The following DLG2 variants were observed in gnomAD, a reference collection of about 807,000 sequenced individuals.
DLG2 encodes the protein discs large MAGUK scaffold protein 2, also known as disks large homolog 2.
DLG2 carries 45 observed loss-of-function variants against 132.5 expected under a neutral mutation model. The ratio of observed to expected loss-of-function variants is 0.34; its 90% CI spans 0.27 to 0.44. The LOEUF is 0.44. DLG2 is among the 20% of genes least tolerant of loss of function. The pLI, the probability that DLG2 is intolerant of heterozygous loss-of-function variation, is 1.00. For synonymous variants in DLG2, 424 were observed against 419.6 expected (o/e 1.01, Z -0.13); for missense variants, 1,045 against 1,196.9 (o/e 0.87, Z 1.87).
chr11:85,019,358 G>T (rs1386615469), intron 6 of DLG2, among the ~76,000 whole-genome samples: 1 of 152,126 alleles, frequency 6.6e-6, no homozygotes, highest in Non-Finnish European at 1.5e-5. Flanking sequence ...GGAACACTGA[G>T]CATGTGCTGA....
intron 6 of DLG2, among the ~76,000 whole-genome samples, chr11:84,621,569 G>A (rs1036661166): frequency 1.3e-5 from 2 of 152,118 alleles, no homozygotes; most frequent in African/African-American, 2.4e-5. Flanking sequence ...ATTAATTTAG[G>A]CACATAGAGA....
chr11:84,940,232 C>G (rs1429963587), intron 6 of DLG2, among the ~76,000 whole-genome samples: 1 of 152,198 alleles, frequency 6.6e-6, no homozygotes, highest in Non-Finnish European at 1.5e-5. Context: ...CTCACTGCAA[C>G]CCCCGCCTCC....
intron 6 of DLG2, among the ~76,000 whole-genome samples, chr11:84,912,141 C>G (rs1379731177): frequency 7.2e-6 from 1 of 138,042 alleles, no homozygotes; most frequent in Non-Finnish European, 1.6e-5. Context: ...TTGGCTTTCA[C>G]AATTTATTTA....
intron 3 of DLG2, among the ~76,000 whole-genome samples, chr11:85,293,401 CA>C (rs1370090466): frequency 6.6e-6 from 1 of 151,822 alleles, no homozygotes; most frequent in Non-Finnish European, 1.5e-5. Context: ...CTCATCTCTG[CA>C]AAAAATAAAA....
chr11:85,139,815 T>C (rs990456711), intron 5 of DLG2, among the ~76,000 whole-genome samples: 2 of 151,820 alleles, frequency 1.3e-5, no homozygotes, highest in African/African-American at 4.8e-5. Context: ...TGTTTTATTC[T>C]GTGTGTGTAT....
chr11:85,042,617 C>T (rs1161468143), intron 6 of DLG2, among the ~76,000 whole-genome samples: 4 of 151,904 alleles, frequency 2.6e-5, no homozygotes, highest in Non-Finnish European at 4.4e-5. Flanking sequence ...GAATGCTTGA[C>T]ACAAAAAGGT....
At chr11:85,402,413 T>C (rs1193054844) in intron 3 of DLG2, among the ~76,000 whole-genome samples, 2 of 152,128 alleles carry the variant, frequency 1.3e-5, no homozygotes, top group Non-Finnish European at 2.9e-5. Context: ...GGCAATACCA[T>C]TCAGGACATA....
At chr11:84,407,546 C>T (rs2098861770) in intron 7 of DLG2, among the ~76,000 whole-genome samples, 1 of 152,158 alleles carries the variant, frequency 6.6e-6, no homozygotes, top group Non-Finnish European at 1.5e-5. Context: ...GTTACTGTTT[C>T]TTTCTATTTT....
At chr11:85,275,535 C>A (rs989263677) in intron 4 of DLG2, among the ~76,000 whole-genome samples, 1 of 152,086 alleles carries the variant, frequency 6.6e-6, no homozygotes, top group Non-Finnish European at 1.5e-5. Context: ...ATAGTGCACT[C>A]TCTCATCTCA....
chr11:83,480,277 AGC>A, intron 22 of DLG2: 1 of 940,368 alleles, frequency 1.1e-6, no homozygotes, highest in Non-Finnish European at 1.6e-6. Context: ...GATAAAAGGT[AGC>A]AATTGAAAAA....
chr11:83,771,910 C>T (rs1164706860), intron 18 of DLG2, among the ~76,000 whole-genome samples: 1 of 152,118 alleles, frequency 6.6e-6, no homozygotes, highest in Non-Finnish European at 1.5e-5. Flanking sequence ...AATTTTTGCA[C>T]ATATTTCCAA....
At chr11:85,098,588 A>G (rs1170987045) in intron 6 of DLG2, among the ~76,000 whole-genome samples, 3 of 152,210 alleles carry the variant, frequency 2.0e-5, no homozygotes, top group African/African-American at 7.2e-5. Context: ...TTAAAGAAAA[A>G]TGGTATATGA....
At chr11:84,343,537 G>A (rs2098525376) in intron 7 of DLG2, among the ~76,000 whole-genome samples, 1 of 152,258 alleles carries the variant, frequency 6.6e-6, no homozygotes, top group Admixed American at 6.5e-5. Context: ...TTGTCTTCGA[G>A]GAGCTTGAAA....
At chr11:85,427,394 C>A (rs2090843356) in intron 3 of DLG2, among the ~76,000 whole-genome samples, 1 of 152,172 alleles carries the variant, frequency 6.6e-6, no homozygotes, top group South Asian at 2.1e-4. Flanking sequence ...AGGTTACCCA[C>A]AAAGGGAAGG....
intron 6 of DLG2, among the ~76,000 whole-genome samples, chr11:84,860,582 C>G (rs1295238082): frequency 2.0e-5 from 3 of 151,978 alleles, no homozygotes; most frequent in African/African-American, 7.2e-5. Flanking sequence ...ACTGTACTTC[C>G]AAGTTGACTG....
At chr11:85,414,987 T>G (rs971863606) in intron 3 of DLG2, among the ~76,000 whole-genome samples, 1 of 152,094 alleles carries the variant, frequency 6.6e-6, no homozygotes, top group African/African-American at 2.4e-5. Context: ...ATGAGGTATT[T>G]CTCTTAATGC....
intron 7 of DLG2, among the ~76,000 whole-genome samples, chr11:84,486,067 C>T (rs1250041613): frequency 6.6e-6 from 1 of 152,112 alleles, no homozygotes; most frequent in Non-Finnish European, 1.5e-5. Flanking sequence ...CCTTTTTCCA[C>T]AATCTATTGG....
At position 84,401,303 on chromosome 11, in the gene DLG2, C is replaced by T. The variant is rs534273260; in HGVS notation, c.519+133267G>A. 2.0e-5 allele frequency among the ~76,000 whole-genome samples: 3 copies of T among 152,280 alleles called. No homozygotes were observed. In the South Asian group the frequency reaches 6.2e-4, roughly 32 times the overall value. ...GCCCTCAAAACCCCCTGTACTTTTC[C>T]TGCATGGAAAAGTATTATTATACAC... On this transcript the variant is annotated intron_variant, in intron 7 of 27. Coordinates refer to ENST00000376104, the MANE Select transcript of DLG2 (RefSeq NM_001142699.3).
intron 6 of DLG2, among the ~76,000 whole-genome samples, chr11:84,591,231 G>C (rs2099542176): frequency 6.7e-6 from 1 of 149,424 alleles, no homozygotes; most frequent in African/African-American, 2.5e-5. Flanking sequence ...CTCTGTGTGT[G>C]TGTGTGTGTG....
Sources: allele counts gnomAD v4.1 joint callset (sites outside exome capture counted in the v4.1 genomes callset), GRCh38; gene constraint gnomAD v4.1.1; transcripts MANE v1.5; gene names NCBI Gene and HGNC (gene_info 2026-07-23, HGNC 2026-07-21).